The following USP42 variants were observed in gnomAD, a reference collection of about 807,000 sequenced individuals.
USP42 encodes ubiquitin specific peptidase 42.
In USP42, 23 loss-of-function variants were observed where a neutral mutation model predicts 113.0. The ratio of observed to expected loss-of-function variants is 0.20; its 90% CI spans 0.15 to 0.29. The LOEUF (loss-of-function observed/expected upper bound fraction) is 0.29, where lower values mean the gene tolerates loss of function less well. Among genes scored for constraint, USP42 ranks in the 10% least tolerant of loss-of-function variants. USP42 has a pLI of 1.00. For missense variants in USP42, 2,174 were observed against 1,779.8 expected, an observed-to-expected ratio of 1.22 and a Z score of -3.99; for synonymous variants, 933 against 699.0, an observed-to-expected ratio of 1.33 and a Z score of -5.28.
chr7:6,096,215 G>A, the USP42 span, among the ~76,000 whole-genome samples: 1 of 151,382 alleles, frequency 6.6e-6, no homozygotes, highest in East Asian at 1.9e-4. Context: ...GCTCACGCCT[G>A]TAATCCCAGC....
chr7:6,128,322 G>A (rs938468664), intron 3 of USP42: 17 of 150,784 alleles, frequency 1.1e-4, no homozygotes, highest in Admixed American at 1.1e-3. Flanking sequence ...GAGTGCAGTG[G>A]TGCGATCATG....
At chr7:6,087,188 C>T in the USP42 span, among the ~76,000 whole-genome samples, 6 of 150,114 alleles carry the variant, frequency 4.0e-5, no homozygotes, top group Admixed American at 1.3e-4. Context: ...TGTGCCATCA[C>T]GCCCAGCTAA....
At chr7:6,116,087 GAA>G in intron 3 of USP42, among the ~76,000 whole-genome samples, 1 of 130,308 alleles carries the variant, frequency 7.7e-6, no homozygotes, top group Non-Finnish European at 1.6e-5. Flanking sequence ...CTAGACAACA[GAA>G]AGAGACCCTG....
At chr7:6,156,580 G>T (rs1782456451) in intron 15 of USP42, among the ~76,000 whole-genome samples, 174 bp from the exon 16 acceptor site, 1 of 152,026 alleles carries the variant, frequency 6.6e-6, no homozygotes, top group Non-Finnish European at 1.5e-5. Flanking sequence ...CTCCCGAGTA[G>T]CTGGGACTAC....
intron 12 of USP42, among the ~76,000 whole-genome samples, chr7:6,148,350 CA>C (rs1030357597): frequency 8.6e-5 from 13 of 151,894 alleles, no homozygotes; most frequent in African/African-American, 2.7e-4. Flanking sequence ...AATAACCCCC[CA>C]AAAAAACAAA....
Position 6,154,691 on chromosome 7 carries a change from G to T in USP42, c.3137G>T (p.Arg1046Leu). 1.2e-6 allele frequency: 2 copies of T among 1,603,430 alleles called. No homozygotes were observed. Among genetic ancestry groups the T allele is most frequent in the Non-Finnish European group, 8.5e-7 (1 of 1,175,962 alleles). ...HYTEGERGWG[R>L]EKFYPDRPRW... Reference sequence around the variant, plus strand: ...ACCGAGGGCGAGCGTGGCTGGGGCCGGGAGAAGTTCTACCCCGACAGGCCG... The same window carrying T: ...ACCGAGGGCGAGCGTGGCTGGGGCCTGGAGAAGTTCTACCCCGACAGGCCG... Residue 1046 changes from arginine (R) to leucine (L), a missense_variant, in exon 15 of 18, where the codon CGG (arginine) becomes CTG (leucine). Physicochemically the swap from Arg to Leu is moderately radical, Grantham distance 102. Coordinates refer to ENST00000306177, the MANE Select transcript of USP42 (RefSeq NM_032172.3).
At chr7:6,141,677 G>T (rs1001223017) in intron 7 of USP42, among the ~76,000 whole-genome samples, 24 of 151,834 alleles carry the variant, frequency 1.6e-4, no homozygotes, top group African/African-American at 5.1e-4. Flanking sequence ...CCCTGTCTCA[G>T]CCTCCCTAGT....
chr7:6,081,657 C>A, the USP42 span: 2 of 152,268 alleles, frequency 1.3e-5, no homozygotes, highest in Non-Finnish European at 2.9e-5. Flanking sequence ...ATGGCGCATG[C>A]TCTCTGGTGG....
the USP42 span, chr7:6,093,121 T>TCTTC: frequency 6.7e-6 from 1 of 150,046 alleles, no homozygotes; most frequent in Non-Finnish European, 1.5e-5. Flanking sequence ...AGGTACTCTT[T>TCTTC]CTTCCTTCCT....
chr7:6,108,816 C>T (rs1485014074), intron 1 of USP42, among the ~76,000 whole-genome samples: 1 of 152,226 alleles, frequency 6.6e-6, no homozygotes, highest in African/African-American at 2.4e-5. Flanking sequence ...GCCATTTCTA[C>T]TCCAGAGTTT....
chr7:6,153,963 C>T lies in USP42; in HGVS notation c.2409C>T (p.Pro803=). ...CCGTCGCCCCCGAGGAGCCTCCGCC[C>T]AGCGCCGGCGAGGACATCGTGGGGG... ...AMAVAPEEPP[P]SAGEDIVGDT... Residue 803 remains proline (P), a synonymous_variant, in exon 15 of 18, where the codon CCC becomes CCT. Transcript: ENST00000306177. 2 of 1,595,958 alleles carry T rather than the reference C, an allele frequency of 1.3e-6. No individual in the cohort carries two copies. The highest frequency in any genetic ancestry group is 1.7e-6 in the Non-Finnish European group (2 of 1,173,634).
intron 3 of USP42, among the ~76,000 whole-genome samples, chr7:6,133,703 A>G (rs748071198): frequency 2.0e-5 from 3 of 151,872 alleles, no homozygotes; most frequent in Non-Finnish European, 4.4e-5. Context: ...TATTTTTAGT[A>G]GAGATGGGGT....
At chr7:6,142,082 T>G (rs1222483185) in intron 7 of USP42, among the ~76,000 whole-genome samples, 1 of 152,252 alleles carries the variant, frequency 6.6e-6, no homozygotes, top group African/African-American at 2.4e-5. Flanking sequence ...TCCAGTTTTA[T>G]GTATTGCTGC....
At position 6,153,962 on chromosome 7, in the gene USP42, C is replaced by T. The variant is rs755704095; in HGVS notation, c.2408C>T (p.Pro803Leu). 1.4e-5 allele frequency: 22 copies of T among 1,595,684 alleles called. No homozygotes were observed. The South Asian group carries it at 2.2e-4, about 16-fold the overall frequency. Reference protein sequence around the residue: ...AMAVAPEEPPPSAGEDIVGDT... With the variant: ...AMAVAPEEPPLSAGEDIVGDT... ...GCCGTCGCCCCCGAGGAGCCTCCGC[C>T]CAGCGCCGGCGAGGACATCGTGGGG... The change falls in exon 15 of 18, where the codon CCC becomes CTC. Residue 803 changes from proline to leucine, a missense_variant. Transcript: ENST00000306177.
chr7:6,089,006 A>T, the USP42 span: 6 of 149,544 alleles, frequency 4.0e-5, no homozygotes, highest in East Asian at 9.7e-4. Flanking sequence ...CAGAGCCTGC[A>T]CTGGGGTTTC....
chr7:6,123,033 C>T (rs944651646), intron 3 of USP42, among the ~76,000 whole-genome samples: 1 of 151,552 alleles, frequency 6.6e-6, no homozygotes, highest in Non-Finnish European at 1.5e-5. Context: ...CCCGTGTTGG[C>T]TAGGCTGGTC....
At chr7:6,117,301 A>G (rs190419312) in intron 3 of USP42, among the ~76,000 whole-genome samples, 4 of 152,246 alleles carry the variant, frequency 2.6e-5, no homozygotes, top group Admixed American at 6.5e-5. Flanking sequence ...ATTGTACAGT[A>G]TATATTCTCA....
chr7:6,146,073 AAG>A (rs999572508), intron 10 of USP42, 73 bp from the exon 11 acceptor site: 13 of 1,189,014 alleles, frequency 1.1e-5, no homozygotes, highest in Admixed American at 2.6e-5. Flanking sequence ...AAAAAAAAGA[AAG>A]AAATATTTCT....
At chr7:6,127,482 C>T (rs901781252) in intron 3 of USP42, among the ~76,000 whole-genome samples, 6 of 151,322 alleles carry the variant, frequency 4.0e-5, no homozygotes, top group Admixed American at 3.3e-4. Flanking sequence ...GAGATTTGAG[C>T]TGAGTTTTTT....
Sources: allele counts gnomAD v4.1 joint callset (sites outside exome capture counted in the v4.1 genomes callset), GRCh38; gene constraint gnomAD v4.1.1; transcripts MANE v1.5; gene names NCBI Gene and HGNC (gene_info 2026-07-23, HGNC 2026-07-21).